PTP4A2: variants seen among roughly 807,000 people sequenced by gnomAD.
The protein encoded by PTP4A2 is protein tyrosine phosphatase 4A2.
In PTP4A2, 2 loss-of-function variants were observed where a neutral mutation model predicts 22.9. The ratio of observed to expected loss-of-function variants is 0.09; its 90% confidence interval spans 0.04 to 0.27. The LOEUF (loss-of-function observed/expected upper bound fraction) is 0.27, where lower values mean the gene tolerates loss of function less well. Among genes scored for constraint, PTP4A2 ranks in the 10% least tolerant of loss-of-function variants. The probability of loss-of-function intolerance (pLI) is 1.00; values close to 1 mark genes in which losing one functional copy is unlikely to be tolerated. For synonymous variants in PTP4A2, 68 were observed against 69.1 expected, an observed-to-expected ratio of 0.98 and a Z score of 0.08; for missense variants, 103 against 205.1, an observed-to-expected ratio of 0.50 and a Z score of 3.04.
intron 1 of PTP4A2, among the ~76,000 whole-genome samples, chr1:31,923,666 G>A (rs1652313661): frequency 6.6e-6 from 1 of 152,072 alleles, no homozygotes; most frequent in Non-Finnish European, 1.5e-5. Flanking sequence ...GGGACTACAG[G>A]TGCATGCCAC....
chr1:31,918,831 G>T, intron 2 of PTP4A2, 139 bp downstream of exon 2: 1 of 544,454 alleles, frequency 1.8e-6, no homozygotes, highest in Non-Finnish European at 3.3e-6. Context: ...AAAATCTGCT[G>T]TAACTAACCC....
chr1:31,911,550 T>G (rs1363320457), intron 4 of PTP4A2, 146 bp downstream of exon 4: 1 of 674,974 alleles, frequency 1.5e-6, no homozygotes, highest in Non-Finnish European at 2.2e-6. Context: ...ATCATTACAC[T>G]AGTTTTTCCT....
At chr1:31,916,345 C>CAAAAAAAAAAAAA (rs1167002913) in intron 2 of PTP4A2, among the ~76,000 whole-genome samples, 1 of 35,446 alleles carries the variant, frequency 2.8e-5, no homozygotes, top group Non-Finnish European at 6.4e-5. Context: ...ACTCCGTCTC[C>CAAAAAAAAAAAAA]AAAAAAAAAA....
chr1:31,925,480 C>T (rs531989019), intron 1 of PTP4A2, among the ~76,000 whole-genome samples: 2 of 152,198 alleles, frequency 1.3e-5, no homozygotes, highest in African/African-American at 2.4e-5. Flanking sequence ...AGAGGCCGGG[C>T]GCCGTGGCTC....
chr1:31,915,700 C>A (rs1651793550), intron 3 of PTP4A2, 195 bp downstream of exon 3: 1 of 403,188 alleles, frequency 2.5e-6, no homozygotes, highest in Non-Finnish European at 4.5e-6. Context: ...CCAACATGCC[C>A]CACCAGTTTT....
chr1:31,936,954 C>T (rs1415870003), intron 1 of PTP4A2, among the ~76,000 whole-genome samples: 1 of 152,166 alleles, frequency 6.6e-6, no homozygotes, highest in Non-Finnish European at 1.5e-5. Flanking sequence ...ACTAGAATTG[C>T]TAGTCACTGC....
chr1:31,923,343 T>C (rs1379221377), intron 1 of PTP4A2, among the ~76,000 whole-genome samples: 2 of 145,904 alleles, frequency 1.4e-5, no homozygotes, highest in African/African-American at 2.5e-5. Context: ...TTTTTTTTTT[T>C]TTTTTTTTTG....
intron 3 of PTP4A2, chr1:31,914,490 T>C (rs894952016): frequency 2.7e-5 from 8 of 299,666 alleles, no homozygotes; most frequent in Non-Finnish European, 4.7e-5. Flanking sequence ...TCTTTTTGCA[T>C]CAACTGCCTT....
chr1:31,923,400 T>C (rs1460355838), intron 1 of PTP4A2, among the ~76,000 whole-genome samples: 1 of 144,510 alleles, frequency 6.9e-6, no homozygotes, highest in Non-Finnish European at 1.5e-5. Context: ...AGTGGCGCGA[T>C]CTCGGCTCAC....
chr1:31,922,891 G>A (rs1362513451), intron 1 of PTP4A2, among the ~76,000 whole-genome samples: 3 of 151,298 alleles, frequency 2.0e-5, no homozygotes, highest in Non-Finnish European at 4.4e-5. Context: ...CAAAGTCTTG[G>A]GATTACAGGC....
At chr1:31,912,315 TATCTG>T (rs1296604739) in intron 3 of PTP4A2, among the ~76,000 whole-genome samples, 1 of 152,222 alleles carries the variant, frequency 6.6e-6, no homozygotes, top group African/African-American at 2.4e-5. Flanking sequence ...AGAGAAAGGT[TATCTG>T]ATAAGAAATC....
intron 1 of PTP4A2, among the ~76,000 whole-genome samples, chr1:31,925,333 G>A (rs1333186941): frequency 6.6e-6 from 1 of 152,096 alleles, no homozygotes. Context: ...GGCTCCAGAG[G>A]GCTAGTCCTC....
chr1:31,908,177 T>C lies in PTP4A2; in HGVS notation c.*675A>G, dbSNP rs1570270694. 1 of 22,422 alleles carries C rather than the reference T, an allele frequency of 4.5e-5. No homozygotes were observed. The highest frequency in any genetic ancestry group is 1.7e-4 in the African/African-American group (1 of 5,886). The allele number at this position is 22,422 out of a possible 1,614,324, so 1.4% of individuals were successfully genotyped here. A position where few individuals can be genotyped will look rare whatever the true frequency, so the allele number is the denominator to read the frequency against. Reference sequence around the variant, plus strand: ...ATATATATATATATATATATATATATATATATATATATATATATATATATA... The same window carrying C: ...ATATATATATATATATATATATATACATATATATATATATATATATATATA... On this transcript the variant is annotated 3_prime_UTR_variant, in exon 6 of 6. Coordinates refer to ENST00000647444, the MANE Select transcript of PTP4A2 (RefSeq NM_080391.4).
chr1:31,923,383 G>A (rs1021310370), intron 1 of PTP4A2, among the ~76,000 whole-genome samples: 12 of 136,034 alleles, frequency 8.8e-5, no homozygotes, highest in Admixed American at 4.1e-4. Context: ...CGCCCAGGCT[G>A]GAGTGCAGTG....
intron 1 of PTP4A2, among the ~76,000 whole-genome samples, chr1:31,932,465 A>T (rs1035811732): frequency 1.3e-5 from 2 of 152,250 alleles, no homozygotes; most frequent in African/African-American, 4.8e-5. Flanking sequence ...AGTTTAGGCC[A>T]CTTAAAATGA....
chr1:31,926,097 C>T (rs1185121710), intron 1 of PTP4A2, among the ~76,000 whole-genome samples: 3 of 145,536 alleles, frequency 2.1e-5, no homozygotes, highest in Admixed American at 1.4e-4. Context: ...CCACTGCACT[C>T]CAGCCTGGCC....
intron 1 of PTP4A2, among the ~76,000 whole-genome samples, chr1:31,928,313 A>C (rs1296941881): frequency 6.6e-6 from 1 of 150,620 alleles, no homozygotes; most frequent in Non-Finnish European, 1.5e-5. Flanking sequence ...AGTCCTAGGA[A>C]GGTGATAAAG....
rs1236438919 is a variant in PTP4A2 at position 31,926,091 on chromosome 1, T to C, written c.-593-6433A>G. Among the ~76,000 whole-genome samples, 3 of 145,002 alleles carry C rather than the reference T, an allele frequency of 2.1e-5. 1 individual carries two copies. Among genetic ancestry groups the C allele is most frequent in the Non-Finnish European group, 4.5e-5 (3 of 66,242 alleles). ...TTGCAGTGAACTGAGATTGCGCCAC[T>C]GCACTCCAGCCTGGCCACAGAGCTA... On this transcript the variant is annotated intron_variant, in intron 1 of 5. Transcript: ENST00000647444.
chr1:31,937,392 C>T (rs768749002), intron 1 of PTP4A2, among the ~76,000 whole-genome samples: 3 of 151,956 alleles, frequency 2.0e-5, no homozygotes, highest in Non-Finnish European at 2.9e-5. Flanking sequence ...ACTCCCCAAC[C>T]CAACACACCA....
Sources: allele counts gnomAD v4.1 joint callset (sites outside exome capture counted in the v4.1 genomes callset), GRCh38; gene constraint gnomAD v4.1.1; transcripts MANE v1.5; gene names NCBI Gene and HGNC (gene_info 2026-07-23, HGNC 2026-07-21).